The following NCKAP5 variants were observed in gnomAD, a reference collection of about 807,000 sequenced individuals.
The protein encoded by NCKAP5 is nck-associated protein 5.
A neutral mutation model predicts 167.0 loss-of-function variants in NCKAP5; 92 were observed. The observed-to-expected ratio is 0.55, with a 90% CI of 0.47 to 0.66. NCKAP5 has a LOEUF of 0.66. Ranked by LOEUF, NCKAP5 falls within the 30% of genes least tolerant of loss-of-function variation. NCKAP5 has a pLI of 0.00. For missense variants in NCKAP5, 2,378 were observed against 2,315.0 expected, an observed-to-expected ratio of 1.03 and a Z score of -0.56; for synonymous variants, 891 against 877.4, an observed-to-expected ratio of 1.02 and a Z score of -0.27.
At chr2:132,790,554 A>G (rs764222965) in intron 12 of NCKAP5, among the ~76,000 whole-genome samples, 3 of 152,224 alleles carry the variant, frequency 2.0e-5, no homozygotes, top group Non-Finnish European at 2.9e-5. Flanking sequence ...ACAGTACAGT[A>G]TCTACTGAAT....
the NCKAP5 span, among the ~76,000 whole-genome samples, chr2:133,626,593 A>C: frequency 6.6e-6 from 1 of 152,092 alleles, no homozygotes; most frequent in Non-Finnish European, 1.5e-5. Flanking sequence ...AATTGCAAAA[A>C]TTTTATATTA....
chr2:133,194,749 A>C (rs1177497477), intron 5 of NCKAP5, among the ~76,000 whole-genome samples: 1 of 151,764 alleles, frequency 6.6e-6, no homozygotes, highest in Non-Finnish European at 1.5e-5. Flanking sequence ...ATGTGAAGTG[A>C]ATTATTTTAA....
chr2:132,732,595 G>A (rs1691136392), intron 16 of NCKAP5, among the ~76,000 whole-genome samples: 2 of 152,140 alleles, frequency 1.3e-5, no homozygotes, highest in Non-Finnish European at 2.9e-5. Flanking sequence ...AGTCGCTTGT[G>A]CATATATCCT....
the NCKAP5 span, among the ~76,000 whole-genome samples, chr2:133,597,727 T>C: frequency 2.0e-5 from 3 of 148,592 alleles, no homozygotes; most frequent in South Asian, 4.3e-4. Flanking sequence ...GAGATGCTAC[T>C]GTCTTTTCCC....
At chr2:133,127,167 T>A (rs1051244844) in intron 6 of NCKAP5, among the ~76,000 whole-genome samples, 1 of 152,232 alleles carries the variant, frequency 6.6e-6, no homozygotes, top group Admixed American at 6.5e-5. Context: ...CCAAGGGTGA[T>A]GCAATAAAGG....
the NCKAP5 span, among the ~76,000 whole-genome samples, chr2:133,579,451 AGCAGAGACTTTGATTCTCTG>A: frequency 1.3e-5 from 2 of 152,212 alleles, no homozygotes; most frequent in African/African-American, 2.4e-5. Context: ...AGTGAATCAC[AGCAGAGACTTTGATTCTCTG>A]GCAGAGACTT....
At chr2:133,614,285 A>G in the NCKAP5 span, among the ~76,000 whole-genome samples, 1 of 151,498 alleles carries the variant, frequency 6.6e-6, no homozygotes, top group Admixed American at 6.6e-5. Flanking sequence ...TGGGAGTGAG[A>G]CTAGCTGGAC....
intron 3 of NCKAP5, among the ~76,000 whole-genome samples, chr2:133,447,589 C>A (rs548794439): frequency 7.0e-6 from 1 of 143,242 alleles, no homozygotes; most frequent in Non-Finnish European, 1.5e-5. Context: ...TTTCCCCTTC[C>A]GTTCCCTTCC....
intron 6 of NCKAP5, among the ~76,000 whole-genome samples, chr2:133,105,243 T>A (rs985225404): frequency 6.6e-6 from 1 of 152,234 alleles, no homozygotes; most frequent in African/African-American, 2.4e-5. Flanking sequence ...TAGGAGTTAT[T>A]CTTTGTTTTT....
At chr2:133,585,398 A>G in the NCKAP5 span, among the ~76,000 whole-genome samples, 1 of 152,256 alleles carries the variant, frequency 6.6e-6, no homozygotes, top group African/African-American at 2.4e-5. Context: ...GACACAGATC[A>G]AGGCCATGTT....
intron 4 of NCKAP5, among the ~76,000 whole-genome samples, chr2:133,279,884 A>T (rs2089875620): frequency 6.6e-6 from 1 of 152,250 alleles, no homozygotes; most frequent in Non-Finnish European, 1.5e-5. Flanking sequence ...CACAACCATC[A>T]TTCATTAGGA....
At chr2:133,606,629 C>T in the NCKAP5 span, among the ~76,000 whole-genome samples, 10 of 151,650 alleles carry the variant, frequency 6.6e-5, no homozygotes, top group Middle Eastern at 0.014. Flanking sequence ...GCTCATAGAG[C>T]GGGACAGGGC....
intron 12 of NCKAP5, among the ~76,000 whole-genome samples, chr2:132,791,711 T>C (rs1684083705): frequency 6.6e-6 from 1 of 152,228 alleles, no homozygotes; most frequent in South Asian, 2.1e-4. Flanking sequence ...CCTGAGTACT[T>C]ATCACCATTC....
chr2:133,264,067 T>C (rs1391864553), intron 4 of NCKAP5, among the ~76,000 whole-genome samples: 1 of 152,192 alleles, frequency 6.6e-6, no homozygotes, highest in Non-Finnish European at 1.5e-5. Context: ...CTCCAGCAGT[T>C]CACCAGGCCA....
chr2:132,962,721 A>G (rs534835736), intron 8 of NCKAP5, among the ~76,000 whole-genome samples: 85 of 152,080 alleles, frequency 5.6e-4, no homozygotes, highest in African/African-American at 1.6e-3. Flanking sequence ...CTCCTGAGTA[A>G]CTGGGACTAC....
At position 133,213,739 on chromosome 2, in the gene NCKAP5, G is replaced by A; in HGVS notation, c.184C>T (p.Gln62Ter). 4.3e-6 allele frequency: 7 copies of A among 1,613,716 alleles called. No homozygotes were observed. Among genetic ancestry groups the A allele is most frequent in the Non-Finnish European group, 5.1e-6 (6 of 1,179,774 alleles). The part of the protein sequence containing the change: ...AVARLQREVA[Q>*]RTSEGAMHEK... ...ACCATGGCCCCCTCACTTGTTCTTT[G>A]GGCAACTTCTCGCTGTAGTCGGGCC... The change falls in exon 5 of 20, where the codon CAA (glutamine) becomes TAA (stop). Residue 62 changes from glutamine (Q) to a stop codon, truncating the protein, a stop_gained. Coordinates refer to ENST00000409261, the MANE Select transcript of NCKAP5 (RefSeq NM_207363.3). LOFTEE classifies it high-confidence loss of function.
chr2:133,047,048 C>T (rs911690919), intron 6 of NCKAP5, among the ~76,000 whole-genome samples: 1 of 152,154 alleles, frequency 6.6e-6, no homozygotes, highest in Admixed American at 6.5e-5. Flanking sequence ...CACAGAAACC[C>T]ACTTAAAGAG....
At chr2:133,071,287 T>C (rs527942925) in intron 6 of NCKAP5, among the ~76,000 whole-genome samples, 43 of 152,140 alleles carry the variant, frequency 2.8e-4, no homozygotes, top group African/African-American at 9.4e-4. Flanking sequence ...CTACTAAAAA[T>C]ACAAAAAATT....
At chr2:133,475,279 A>T (rs980691442) in intron 3 of NCKAP5, among the ~76,000 whole-genome samples, 2 of 152,216 alleles carry the variant, frequency 1.3e-5, no homozygotes, top group African/African-American at 4.8e-5. Flanking sequence ...ACCAAGTCCA[A>T]TAACTGTTCC....
Sources: gnomAD v4.1 joint callset for allele counts (sites outside exome capture counted in the v4.1 genomes callset) on GRCh38, gnomAD v4.1.1 for gene constraint, MANE v1.5 for transcripts, NCBI Gene and HGNC (gene_info 2026-07-23, HGNC 2026-07-21) for gene names.